The following PHF3 variants were observed in gnomAD, a reference collection of about 807,000 sequenced individuals.
PHF3 encodes the protein PHD finger protein 3.
Under a neutral mutation model 178.4 loss-of-function variants are expected in PHF3, and 41 were observed. The observed-to-expected ratio is 0.23, with a 90% confidence interval of 0.18 to 0.30. The LOEUF (loss-of-function observed/expected upper bound fraction) is 0.30, where lower values mean the gene tolerates loss of function less well. Among genes scored for constraint, PHF3 ranks in the 10% least tolerant of loss-of-function variants. PHF3 has a pLI of 1.00. For missense variants in PHF3, 2,346 were observed against 2,398.1 expected, an observed-to-expected ratio of 0.98 and a Z score of 0.45; for synonymous variants, 842 against 800.5, an observed-to-expected ratio of 1.05 and a Z score of -0.88.
chr6:63,655,561 G>C (rs146568180), intron 2 of PHF3, among the ~76,000 whole-genome samples: 1 of 152,030 alleles, frequency 6.6e-6, no homozygotes, highest in African/African-American at 2.4e-5. Context: ...CCATGAAACT[G>C]TTATTTCTTT....
Position 63,663,868 on chromosome 6 carries a change from A to G in PHF3, c.245-16132A>G, listed in dbSNP as rs537051367. ...TTGAGATGGCCCCTTCAGCTATTAGATATTGATTCCACTCAATAAAAAAGG... is the reference window on the plus strand; with the variant it reads ...TTGAGATGGCCCCTTCAGCTATTAGGTATTGATTCCACTCAATAAAAAAGG... On this transcript the variant is annotated intron_variant, in intron 2 of 15. Coordinates refer to ENST00000262043, the MANE Select transcript of PHF3 (RefSeq NM_001370348.2). Among the ~76,000 whole-genome samples the G allele has an allele frequency of 5.9e-5, 9 of 152,240 alleles. No individual in the cohort carries two copies. In the South Asian group the frequency reaches 1.9e-3, roughly 32 times the overall value.
In PHF3 at chr6:63,724,213, A is replaced by T. The variant is rs1330056790; in HGVS notation, c.*10505A>T. On this transcript the variant is annotated 3_prime_UTR_variant, in exon 16 of 16. Transcript: ENST00000262043. ...AATTCACTTTGGCTATTTAATGCCC[A>T]CTCAACCATGGCTGAGGCTTCTCCC... 6.6e-6 allele frequency among the ~76,000 whole-genome samples: 1 copy of T among 152,130 alleles called. No homozygotes were observed. Among genetic ancestry groups the T allele is most frequent in the Non-Finnish European group, 1.5e-5 (1 of 68,024 alleles).
chr6:63,650,973 C>T (rs1016195412), intron 2 of PHF3, among the ~76,000 whole-genome samples: 1 of 152,106 alleles, frequency 6.6e-6, no homozygotes, highest in Non-Finnish European at 1.5e-5. Flanking sequence ...TCCAACTACA[C>T]ATATAAGTTC....
rs1309151687 is a variant in PHF3, at chr6:63,698,295, C to G, written c.2753C>G (p.Ser918Cys). The G allele has an allele frequency of 1.2e-6, 2 of 1,613,176 alleles. No individual in the cohort carries two copies. Among genetic ancestry groups the G allele is most frequent in the Non-Finnish European group, 1.7e-6 (2 of 1,179,330 alleles). ...KGVLNVHPAA[S>C]ASKPSADQIR... ...GTGCTTAATGTACATCCTGCTGCTT[C>G]TGCTTCCAAGCCTTCTGCAGATCAG... The change falls in exon 7 of 16, where the codon TCT (serine) becomes TGT (cysteine). Residue 918 changes from serine to cysteine, a missense_variant. By Grantham distance (112) the Ser-to-Cys change is moderately radical. This residue lies in a region of PHF3 where 252 missense variants were observed against 232.0 expected (regional missense o/e 1.09). Coordinates refer to ENST00000262043, the MANE Select transcript of PHF3 (RefSeq NM_001370348.2).
chr6:63,692,121 C>T (rs1767034663), intron 5 of PHF3, 78 bp downstream of exon 5: 1 of 1,025,778 alleles, frequency 9.7e-7, no homozygotes, highest in Non-Finnish European at 1.4e-6. Flanking sequence ...TTTGAAATTT[C>T]TCTTTAGAAG....
intron 2 of PHF3, among the ~76,000 whole-genome samples, chr6:63,647,983 A>T (rs987564550): frequency 3.9e-5 from 6 of 152,212 alleles, no homozygotes; most frequent in Non-Finnish European, 8.8e-5. Context: ...TTCTATGTAT[A>T]TTTTAAATTT....
At chr6:63,710,657 A>T (rs1452771901) in intron 14 of PHF3, among the ~76,000 whole-genome samples, 2 of 152,204 alleles carry the variant, frequency 1.3e-5, no homozygotes, top group Admixed American at 1.3e-4. Context: ...CTCTTCATCC[A>T]GCCCTTTTTA....
chr6:63,658,874 C>A (rs2149553269), intron 2 of PHF3, among the ~76,000 whole-genome samples: 1 of 151,904 alleles, frequency 6.6e-6, no homozygotes, highest in Admixed American at 6.6e-5. Flanking sequence ...AGGCTGGAGA[C>A]CTAGGGAAGA....
chr6:63,711,118 A>C (rs1345737816), intron 14 of PHF3, 49 bp from the exon 15 acceptor site: 1 of 1,334,934 alleles, frequency 7.5e-7, no homozygotes. Flanking sequence ...AAACCAAGCT[A>C]CTCTTTAGCT....
chr6:63,644,265 T>C (rs1186667179), intron 1 of PHF3, among the ~76,000 whole-genome samples: 1 of 152,226 alleles, frequency 6.6e-6, no homozygotes. Context: ...GAGGTGGCTT[T>C]GGTTTGCTGT....
At chr6:63,686,919 C>T (rs929736917) in intron 4 of PHF3, among the ~76,000 whole-genome samples, 6 of 151,966 alleles carry the variant, frequency 3.9e-5, no homozygotes, top group African/African-American at 1.2e-4. Context: ...TTGGGGAGAT[C>T]GGAAAGGAGA....
chr6:63,711,418 A>G (rs1767922053), intron 15 of PHF3, 56 bp downstream of exon 15: 1 of 1,442,642 alleles, frequency 6.9e-7, no homozygotes, highest in South Asian at 1.3e-5. Flanking sequence ...AGGTGGGACC[A>G]GAGTGAAAAG....
rs1582142540 is a variant in PHF3 at position 63,723,422 on chromosome 6, AT to A, written c.*9715del. 2.0e-5 allele frequency among the ~76,000 whole-genome samples: 3 copies of A among 152,332 alleles called. No individual in the cohort carries two copies. Among genetic ancestry groups the A allele is most frequent in the Admixed American group, 6.5e-5 (1 of 15,298 alleles). ...GCCTGCAAGTGAACACAAACCAGTTATCTTTTGCAAGATTATGGAGGAAGCT... is the reference window on the plus strand; with the variant it reads ...GCCTGCAAGTGAACACAAACCAGTTACTTTTGCAAGATTATGGAGGAAGCT... On this transcript the variant is annotated 3_prime_UTR_variant, in exon 16 of 16. Coordinates refer to ENST00000262043, the MANE Select transcript of PHF3 (RefSeq NM_001370348.2).
chr6:63,664,251 A>C (rs1038328499), intron 2 of PHF3, among the ~76,000 whole-genome samples: 7 of 152,198 alleles, frequency 4.6e-5, no homozygotes, highest in Non-Finnish European at 1.0e-4. Flanking sequence ...CTTGTCAAAG[A>C]CTTCTAGACT....
In PHF3 at chr6:63,724,219, C is replaced by G. The variant is rs1392569914; in HGVS notation, c.*10511C>G. ...CTTTGGCTATTTAATGCCCACTCAACCATGGCTGAGGCTTCTCCCACCTTT... is the reference window on the plus strand; with the variant it reads ...CTTTGGCTATTTAATGCCCACTCAAGCATGGCTGAGGCTTCTCCCACCTTT... On this transcript the variant is annotated 3_prime_UTR_variant, in exon 16 of 16. Coordinates refer to ENST00000262043, the MANE Select transcript of PHF3 (RefSeq NM_001370348.2). Among the ~76,000 whole-genome samples the G allele has an allele frequency of 6.6e-6, 1 of 152,132 alleles. No homozygotes were observed. The highest frequency in any genetic ancestry group is 2.4e-5 in the African/African-American group (1 of 41,434).
chr6:63,723,405 G>C lies in PHF3; in HGVS notation c.*9697G>C, dbSNP rs987647037. Among the ~76,000 whole-genome samples the C allele has an allele frequency of 2.0e-5, 3 of 152,152 alleles. No individual in the cohort carries two copies. Among genetic ancestry groups the C allele is most frequent in the Non-Finnish European group, 2.9e-5 (2 of 68,022 alleles). On this transcript the variant is annotated 3_prime_UTR_variant, in exon 16 of 16. Coordinates refer to ENST00000262043, the MANE Select transcript of PHF3 (RefSeq NM_001370348.2). ...CCTAAATATACTTTGTGGCCTGCAAGTGAACACAAACCAGTTATCTTTTGC... is the reference window on the plus strand; with the variant it reads ...CCTAAATATACTTTGTGGCCTGCAACTGAACACAAACCAGTTATCTTTTGC...
Position 63,655,224 on chromosome 6 carries a change from C to T in PHF3, c.244+8429C>T, listed in dbSNP as rs536433779. ...GATTATAGGTGCCCACCACCATGCC[C>T]GCCACCATGCCTGGCTAATGTTTTG... On this transcript the variant is annotated intron_variant, in intron 2 of 15. Coordinates refer to ENST00000262043, the MANE Select transcript of PHF3 (RefSeq NM_001370348.2). Among the ~76,000 whole-genome samples the T allele has an allele frequency of 1.8e-3, 273 of 152,112 alleles. 1 individual carries two copies. The highest frequency in any genetic ancestry group is 6.1e-3 in the African/African-American group (252 of 41,508).
In PHF3 at chr6:63,658,838, G is replaced by C. The variant is rs1196495607; in HGVS notation, c.244+12043G>C. Among the ~76,000 whole-genome samples the C allele has an allele frequency of 2.0e-5, 3 of 151,790 alleles. No homozygotes were observed. In the East Asian group the frequency reaches 5.8e-4, roughly 29 times the overall value. On this transcript the variant is annotated intron_variant, in intron 2 of 15. Coordinates refer to ENST00000262043, the MANE Select transcript of PHF3 (RefSeq NM_001370348.2). ...TGTGATTGTGGAGACTGGCTGGCAA[G>C]CCCAAAATCTGCAGGGTAGGCTGGC...
In PHF3 at chr6:63,691,813, C is replaced by A; in HGVS notation, c.2266C>A (p.Gln756Lys). The A allele has an allele frequency of 6.2e-7, 1 of 1,613,526 alleles. No individual in the cohort carries two copies. The highest frequency in any genetic ancestry group is 8.5e-7 in the Non-Finnish European group (1 of 1,179,760). ...TGGGTTAAGTCTTTCTCAAGCACAG[C>A]AGATGGGCGAGGAAGACAAAGAATA... ...CVGLSLSQAQ[Q>K]MGEEDKEYVC... Residue 756 changes from glutamine to lysine, a missense_variant, in exon 5 of 16, where the codon CAG becomes AAG. By Grantham distance (53) the Gln-to-Lys change is moderately conservative (BLOSUM62 1). This residue lies in a region of PHF3 where 72 missense variants were observed against 110.5 expected (regional missense o/e 0.65). Coordinates refer to ENST00000262043, the MANE Select transcript of PHF3 (RefSeq NM_001370348.2).
Sources: gnomAD v4.1 joint callset for allele counts (sites outside exome capture counted in the v4.1 genomes callset) on GRCh38, gnomAD v4.1.1 for gene constraint, gnomAD v4.1.1 regional missense constraint, MANE v1.5 for transcripts, NCBI Gene and HGNC (gene_info 2026-07-23, HGNC 2026-07-21) for gene names.